The following SYNRG variants were observed in gnomAD, a reference collection of about 807,000 sequenced individuals.
SYNRG encodes the protein AP1 gamma subunit binding protein 1.
Under a neutral mutation model 130.9 loss-of-function variants are expected in SYNRG, and 37 were observed. The observed-to-expected ratio is 0.28, with a 90% CI of 0.22 to 0.37. The LOEUF (loss-of-function observed/expected upper bound fraction) is 0.37, where lower values mean the gene tolerates loss of function less well. Ranked by LOEUF, SYNRG falls within the 10% of genes least tolerant of loss-of-function variation. SYNRG has a pLI of 1.00. For missense variants in SYNRG, 1,338 were observed against 1,588.9 expected, an observed-to-expected ratio of 0.84 and a Z score of 2.68; for synonymous variants, 539 against 568.1, an observed-to-expected ratio of 0.95 and a Z score of 0.73.
Position 37,541,989 on chromosome 17 carries a change from A to G in SYNRG, c.3185T>C (p.Phe1062Ser). ...EEMIKSELAT[F>S]DLSVQGSHKR... Reference sequence around the variant, plus strand: ...CTACTCACCTTGAACAGAAAGGTCAAAGGTTGCCAGCTCACTTTTGATCAT... The same window carrying G: ...CTACTCACCTTGAACAGAAAGGTCAGAGGTTGCCAGCTCACTTTTGATCAT... Residue 1062 changes from phenylalanine to serine, a missense_variant, in exon 15 of 22, where the codon TTT becomes TCT. Physicochemically the swap from Phe to Ser is radical, Grantham distance 155 (BLOSUM62 -2). This residue lies in a region of SYNRG where 1,146 missense variants were observed against 1,342.3 expected (regional missense o/e 0.85). Coordinates refer to ENST00000612223, the MANE Select transcript of SYNRG (RefSeq NM_007247.6). 6.2e-7 allele frequency: 1 copy of G among 1,613,962 alleles called. No homozygotes were observed.
At chr17:37,573,833 G>C (rs2060617808) in intron 8 of SYNRG, among the ~76,000 whole-genome samples, 1 of 152,162 alleles carries the variant, frequency 6.6e-6, no homozygotes, top group East Asian at 1.9e-4. Flanking sequence ...GCAATGGGTA[G>C]TACAGATTCA....
chr17:37,595,287 T>C (rs531245842), intron 3 of SYNRG, among the ~76,000 whole-genome samples: 37 of 152,354 alleles, frequency 2.4e-4, no homozygotes, highest in Non-Finnish European at 3.5e-4. Flanking sequence ...CTAATATCAC[T>C]TATTTATAAG....
intron 6 of SYNRG, among the ~76,000 whole-genome samples, chr17:37,580,508 TGTGA>T (rs1461675405): frequency 9.7e-5 from 13 of 133,772 alleles, no homozygotes; most frequent in South Asian, 2.3e-4. Flanking sequence ...TGTGTGTGTG[TGTGA>T]GAGAGAGAGA....
chr17:37,578,103 A>G (rs2060998460), intron 6 of SYNRG, among the ~76,000 whole-genome samples: 1 of 151,872 alleles, frequency 6.6e-6, no homozygotes, highest in Non-Finnish European at 1.5e-5. Flanking sequence ...AGGCCAAGGC[A>G]GGCAGACCAT....
intron 6 of SYNRG, among the ~76,000 whole-genome samples, chr17:37,580,380 T>C (rs1254708638): frequency 1.3e-5 from 2 of 151,654 alleles, no homozygotes; most frequent in Non-Finnish European, 2.9e-5. Flanking sequence ...CTGAAACCTC[T>C]GCTTTGTTCC....
intron 13 of SYNRG, among the ~76,000 whole-genome samples, chr17:37,557,711 G>A (rs1184569235): frequency 6.6e-6 from 1 of 152,146 alleles, no homozygotes; most frequent in East Asian, 1.9e-4. Flanking sequence ...AGACCCCACT[G>A]TGGTGATGCA....
intron 11 of SYNRG, among the ~76,000 whole-genome samples, chr17:37,563,662 G>T (rs1050280798): frequency 1.3e-5 from 2 of 151,924 alleles, no homozygotes; most frequent in Non-Finnish European, 2.9e-5. Context: ...CAAGTAGGTG[G>T]GACAGCTGGT....
chr17:37,525,741 G>A (rs1485751172), intron 19 of SYNRG, among the ~76,000 whole-genome samples: 1 of 152,178 alleles, frequency 6.6e-6, no homozygotes, highest in African/African-American at 2.4e-5. Context: ...GCCAAGGCGG[G>A]CGGATCACGA....
intron 19 of SYNRG, among the ~76,000 whole-genome samples, chr17:37,527,851 G>A (rs1290841559): frequency 1.3e-5 from 2 of 152,074 alleles, no homozygotes; most frequent in Non-Finnish European, 2.9e-5. Context: ...GTCATTTCCA[G>A]CTTAAATAAA....
At chr17:37,595,563 G>A (rs2062689315) in intron 3 of SYNRG, among the ~76,000 whole-genome samples, 1 of 152,002 alleles carries the variant, frequency 6.6e-6, no homozygotes, top group Non-Finnish European at 1.5e-5. Context: ...TGGGTGATGG[G>A]TTCCATCATA....
Position 37,520,556 on chromosome 17 carries a change from A to G in SYNRG, c.3759T>C (p.Asn1253=). 6.2e-7 allele frequency: 1 copy of G among 1,614,034 alleles called. No homozygotes were observed. Among genetic ancestry groups the G allele is most frequent in the South Asian group, 1.1e-5 (1 of 91,078 alleles). ...QELACGVCLL[N]VDSRSRKEEK... is the part of the protein sequence containing the mutation. ...GACTTACCCGGCTCCTCGAGTCCAC[A>G]TTCAAGAGGCACACTCCACAGGCAA... Residue 1253 remains asparagine, a synonymous_variant, in exon 20 of 22, where the codon AAT becomes AAC. Transcript: ENST00000612223.
intron 14 of SYNRG, among the ~76,000 whole-genome samples, chr17:37,551,283 T>C (rs2145281098): frequency 6.6e-6 from 1 of 152,334 alleles, no homozygotes; most frequent in East Asian, 1.9e-4. Flanking sequence ...GATGCAGCAA[T>C]TTTGCACAAC....
chr17:37,558,862 C>T (rs968051036), intron 13 of SYNRG, among the ~76,000 whole-genome samples: 7 of 152,300 alleles, frequency 4.6e-5, no homozygotes, highest in South Asian at 2.1e-4. Flanking sequence ...CTTTGAACTG[C>T]TACTTGCCAT....
At chr17:37,570,500 T>C (rs1275270747) in intron 10 of SYNRG, 137 bp downstream of exon 10, 1 of 1,208,888 alleles carries the variant, frequency 8.3e-7, no homozygotes. Flanking sequence ...GGTTTAGCAG[T>C]TTTTCTGAAA....
intron 6 of SYNRG, among the ~76,000 whole-genome samples, chr17:37,580,451 C>T (rs1013275458): frequency 7.4e-5 from 11 of 148,006 alleles, no homozygotes; most frequent in Admixed American, 5.4e-4. Flanking sequence ...AGGTATGCAC[C>T]GCCATGCCCA....
intron 1 of SYNRG, among the ~76,000 whole-genome samples, chr17:37,606,606 G>C (rs1216760893): frequency 2.0e-5 from 3 of 151,558 alleles, no homozygotes; most frequent in Non-Finnish European, 4.4e-5. Context: ...AATGACTACA[G>C]ACTAATCCAG....
chr17:37,540,237 A>T, intron 16 of SYNRG, 143 bp downstream of exon 16: 1 of 1,030,494 alleles, frequency 9.7e-7, no homozygotes, highest in Non-Finnish European at 1.4e-6. Flanking sequence ...CCCTTGCCTC[A>T]CTTTAATTAC....
intron 10 of SYNRG, among the ~76,000 whole-genome samples, chr17:37,569,591 G>A (rs932778941): frequency 6.8e-6 from 1 of 146,624 alleles, no homozygotes; most frequent in African/African-American, 2.5e-5. Flanking sequence ...GGAGGCAGAG[G>A]TTGCAGTGAG....
intron 18 of SYNRG, among the ~76,000 whole-genome samples, chr17:37,537,969 G>A (rs1299473962): frequency 6.6e-6 from 1 of 152,228 alleles, no homozygotes; most frequent in African/African-American, 2.4e-5. Flanking sequence ...ACTCTGTGGT[G>A]TCATTAAGCG....
Sources: allele counts gnomAD v4.1 joint callset (sites outside exome capture counted in the v4.1 genomes callset), GRCh38; gene constraint gnomAD v4.1.1; regional missense constraint gnomAD v4.1.1; transcripts MANE v1.5; gene names NCBI Gene and HGNC (gene_info 2026-07-23, HGNC 2026-07-21).